Variants in RNF220 observed in about 807,000 individuals in gnomAD.
RNF220 encodes the protein E3 ubiquitin-protein ligase RNF220.
Under a neutral mutation model 67.1 loss-of-function variants are expected in RNF220, and 7 were observed. The ratio of observed to expected loss-of-function variants is 0.10; its 90% CI spans 0.06 to 0.20. The LOEUF is 0.20. Among genes scored for constraint, RNF220 ranks in the 10% least tolerant of loss-of-function variants. The probability of loss-of-function intolerance (pLI) is 1.00; values close to 1 mark genes in which losing one functional copy is unlikely to be tolerated. For synonymous variants in RNF220, 270 were observed against 283.2 expected (o/e 0.95, Z 0.47); for missense variants, 565 against 740.3 (o/e 0.76, Z 2.75).
chr1:44,479,952 T>C (rs983947113), intron 2 of RNF220, among the ~76,000 whole-genome samples: 1 of 152,224 alleles, frequency 6.6e-6, no homozygotes, highest in East Asian at 1.9e-4. Flanking sequence ...CCTTCCAAAT[T>C]ATTGTAGTTT....
chr1:44,651,442 T>C lies in RNF220; in HGVS notation c.*667T>C, dbSNP rs1644784110. On this transcript the variant is annotated 3_prime_UTR_variant, in exon 15 of 15. Transcript: ENST00000361799. ...TGATCCTCTCCTTAGTCTTAGCTCA[T>C]GGGGCTCTTTATAAGGAGTTGGGGG... is the stretch of plus-strand genomic sequence containing the variant. 1 of 153,590 alleles carries C rather than the reference T, an allele frequency of 6.5e-6. No individual in the cohort carries two copies. The highest frequency in any genetic ancestry group is 1.5e-5 in the Non-Finnish European group (1 of 68,692). The allele number at this position is 153,590 out of a possible 1,614,324, so 9.5% of individuals were successfully genotyped here. A position where few individuals can be genotyped will look rare whatever the true frequency, so the allele number is the denominator to read the frequency against.
intron 2 of RNF220, among the ~76,000 whole-genome samples, chr1:44,544,980 T>G (rs1662001932): frequency 6.6e-6 from 1 of 152,246 alleles, no homozygotes; most frequent in Non-Finnish European, 1.5e-5. Context: ...TTATTGAGCA[T>G]GTACCAAGTG....
chr1:44,622,874 C>T lies in RNF220; in HGVS notation c.804+87C>T. On this transcript the variant is annotated intron_variant, in intron 4 of 14. Transcript: ENST00000361799. The surrounding 1 kb of genome is among the most constrained non-coding windows in gnomAD (Gnocchi z 4.3). ...TTCCTCCTGAGAAAAAGGAGCTTTT[C>T]TAGTATCCTCAACTATCTCCAGCTT... 9.1e-7 allele frequency: 1 copy of T among 1,094,470 alleles called. No homozygotes were observed. Among genetic ancestry groups the T allele is most frequent in the South Asian group, 1.3e-5 (1 of 78,038 alleles). 67.8% of individuals were successfully genotyped at this position (1,094,470 alleles called of 1,614,324 possible). A position where few individuals can be genotyped will look rare whatever the true frequency, so the allele number is the denominator to read the frequency against.
chr1:44,623,822 G>A (rs1383870623), intron 4 of RNF220, among the ~76,000 whole-genome samples: 1 of 152,182 alleles, frequency 6.6e-6, no homozygotes, highest in Non-Finnish European at 1.5e-5. Context: ...GGTATCTCAG[G>A]ATCCTAAGGA....
chr1:44,576,080 T>C (rs1664784001), intron 2 of RNF220, among the ~76,000 whole-genome samples: 1 of 152,238 alleles, frequency 6.6e-6, no homozygotes, highest in African/African-American at 2.4e-5. Flanking sequence ...CATAGATCAC[T>C]TCATCAGAGC....
chr1:44,429,930 A>T (rs951026927), intron 2 of RNF220, among the ~76,000 whole-genome samples: 1 of 152,228 alleles, frequency 6.6e-6, no homozygotes, highest in Non-Finnish European at 1.5e-5. Context: ...GTTGTTTGTA[A>T]TGTGAAAAAC....
intron 8 of RNF220, among the ~76,000 whole-genome samples, chr1:44,640,154 G>C (rs1333291165): frequency 6.6e-6 from 1 of 152,264 alleles, no homozygotes; most frequent in Non-Finnish European, 1.5e-5. Flanking sequence ...TGGGGCAAGG[G>C]GGTAAGAGGT....
chr1:44,408,034 A>G (rs1221695064), intron 1 of RNF220, among the ~76,000 whole-genome samples: 1 of 152,058 alleles, frequency 6.6e-6, no homozygotes, highest in Non-Finnish European at 1.5e-5. Context: ...GGTTGTTGGG[A>G]CCCAGAGTAT....
chr1:44,549,938 C>G (rs1430054459), intron 2 of RNF220, among the ~76,000 whole-genome samples: 1 of 152,200 alleles, frequency 6.6e-6, no homozygotes, highest in African/African-American at 2.4e-5. Flanking sequence ...GCCTGGGCTC[C>G]ATCTGTCCTG....
chr1:44,458,383 TC>T (rs1653417919), intron 2 of RNF220, among the ~76,000 whole-genome samples: 3 of 151,308 alleles, frequency 2.0e-5, no homozygotes, highest in African/African-American at 2.4e-5. Context: ...GGACAGTCTC[TC>T]AAGCCAGACC....
intron 2 of RNF220, among the ~76,000 whole-genome samples, chr1:44,515,970 G>C (rs1021401970): frequency 6.6e-6 from 1 of 152,194 alleles, no homozygotes; most frequent in Non-Finnish European, 1.5e-5. Flanking sequence ...TTGCCCGTCA[G>C]TGCGGATCTG....
At position 44,624,763 on chromosome 1, in the gene RNF220, G is replaced by A. The variant is rs1361650871; in HGVS notation, c.805-1534G>A. On this transcript the variant is annotated intron_variant, in intron 4 of 14. Transcript: ENST00000361799. The surrounding 1 kb of genome is among the most constrained non-coding windows in gnomAD (Gnocchi z 4.2). ...ATTAAGAAAAAAATTAGCCGGTGGC[G>A]GCTATCATATTAAAGGGTGAAGAAG... Among the ~76,000 whole-genome samples, 5 of 152,212 alleles carry A rather than the reference G, an allele frequency of 3.3e-5. No homozygotes were observed. The highest frequency in any genetic ancestry group is 4.2e-4 in the South Asian group (2 of 4,818).
intron 8 of RNF220, among the ~76,000 whole-genome samples, chr1:44,638,771 T>C (rs949575427): frequency 6.6e-6 from 1 of 152,190 alleles, no homozygotes; most frequent in Admixed American, 6.5e-5. Flanking sequence ...GTACTCGGAT[T>C]GATATTTTAG....
At chr1:44,602,633 C>T (rs1666999834) in intron 2 of RNF220, among the ~76,000 whole-genome samples, 1 of 152,036 alleles carries the variant, frequency 6.6e-6, no homozygotes, top group Non-Finnish European at 1.5e-5. Flanking sequence ...GATGTCCCTC[C>T]TCCTTCACTG....
intron 4 of RNF220, among the ~76,000 whole-genome samples, chr1:44,625,616 G>A (rs901385231): frequency 1.3e-5 from 2 of 152,138 alleles, no homozygotes; most frequent in Non-Finnish European, 2.9e-5. Flanking sequence ...CACCCAGTTT[G>A]CAGCTGAACA....
chr1:44,449,760 A>G (rs1251210571), intron 2 of RNF220, among the ~76,000 whole-genome samples: 1 of 152,104 alleles, frequency 6.6e-6, no homozygotes, highest in Non-Finnish European at 1.5e-5. Flanking sequence ...TTCAACATAC[A>G]CTTATGTGAC....
At position 44,423,086 on chromosome 1, in the gene RNF220, C is replaced by T. The variant is rs527300231; in HGVS notation, c.625+10364C>T. ...TTTAGTTAGCAATTGTAGGATGCTG[C>T]GAAAAGTGCTGTCATAGGGGAAATA... On this transcript the variant is annotated intron_variant, in intron 2 of 14. Coordinates refer to ENST00000361799, the MANE Select transcript of RNF220 (RefSeq NM_018150.4). 7.2e-5 allele frequency among the ~76,000 whole-genome samples: 11 copies of T among 152,278 alleles called. No homozygotes were observed. The South Asian group carries it at 1.2e-3, about 17-fold the overall frequency.
intron 2 of RNF220, among the ~76,000 whole-genome samples, chr1:44,449,666 G>A (rs1652468625): frequency 6.6e-6 from 1 of 152,140 alleles, no homozygotes; most frequent in African/African-American, 2.4e-5. Context: ...CGCTCCCCTA[G>A]GCCTCCCAAA....
chr1:44,561,172 G>C (rs1486512629), intron 2 of RNF220, among the ~76,000 whole-genome samples: 1 of 152,208 alleles, frequency 6.6e-6, no homozygotes, highest in African/African-American at 2.4e-5. Flanking sequence ...AAGTGCCTGA[G>C]GGTTAGGCAA....
Sources: gnomAD v4.1 joint callset for allele counts (sites outside exome capture counted in the v4.1 genomes callset) on GRCh38, gnomAD v4.1.1 for gene constraint, Gnocchi (gnomAD v3.1) non-coding constraint, MANE v1.5 for transcripts, NCBI Gene and HGNC (gene_info 2026-07-23, HGNC 2026-07-21) for gene names.